MEGF11: variants seen among roughly 807,000 people sequenced by gnomAD.
MEGF11 encodes multiple epidermal growth factor-like domains protein 11.
MEGF11 carries 126 observed loss-of-function variants against 146.6 expected under a neutral mutation model. The observed-to-expected ratio is 0.86, with a 90% confidence interval of 0.74 to 1.00. MEGF11 has a LOEUF of 1.00. MEGF11 is among the 50% of genes least tolerant of loss of function. MEGF11 has a pLI of 0.00. For synonymous variants in MEGF11, 532 were observed against 583.4 expected (o/e 0.91, Z 1.27); for missense variants, 1,509 against 1,521.2 (o/e 0.99, Z 0.13).
At chr15:66,111,401 C>T (rs1471455038) in intron 4 of MEGF11, among the ~76,000 whole-genome samples, 1 of 152,174 alleles carries the variant, frequency 6.6e-6, no homozygotes, top group East Asian at 1.9e-4. Flanking sequence ...CAAAAGTGCT[C>T]CCAAAATACA....
intron 5 of MEGF11, among the ~76,000 whole-genome samples, chr15:65,999,234 T>C (rs1481840984): frequency 1.9e-4 from 29 of 151,842 alleles, no homozygotes; most frequent in Non-Finnish European, 1.5e-4. Context: ...CTCCCTACGT[T>C]GCCCAGGCTG....
At chr15:66,038,619 GA>G (rs1305174677) in intron 5 of MEGF11, among the ~76,000 whole-genome samples, 1 of 152,132 alleles carries the variant, frequency 6.6e-6, no homozygotes, top group Non-Finnish European at 1.5e-5. Context: ...TTTTACAGAT[GA>G]AAAAACTGAG....
chr15:66,051,800 C>G (rs1485408602), intron 5 of MEGF11, among the ~76,000 whole-genome samples: 1 of 152,214 alleles, frequency 6.6e-6, no homozygotes, highest in East Asian at 1.9e-4. Context: ...TTCGGCATCT[C>G]TGGCACCTGT....
intron 5 of MEGF11, among the ~76,000 whole-genome samples, chr15:66,084,138 A>G (rs1398791166): frequency 1.3e-5 from 2 of 152,170 alleles, no homozygotes; most frequent in Non-Finnish European, 2.9e-5. Context: ...CCTAGGCTAC[A>G]CCATCTAGGT....
intron 1 of MEGF11, among the ~76,000 whole-genome samples, chr15:66,237,327 C>T (rs2092117197): frequency 6.6e-6 from 1 of 151,808 alleles, no homozygotes; most frequent in African/African-American, 2.4e-5. Context: ...CAACTCACTC[C>T]CCCCAACAAA....
chr15:66,055,892 G>A (rs1325907352), intron 5 of MEGF11, among the ~76,000 whole-genome samples: 1 of 152,156 alleles, frequency 6.6e-6, no homozygotes, highest in Non-Finnish European at 1.5e-5. Flanking sequence ...AAGAAGCCCC[G>A]AATTCCAGAG....
intron 4 of MEGF11, among the ~76,000 whole-genome samples, chr15:66,109,604 C>T (rs944917204): frequency 3.3e-5 from 5 of 152,156 alleles, no homozygotes; most frequent in African/African-American, 7.2e-5. Context: ...ACAACGTGCT[C>T]GGGGGCACAC....
chr15:66,156,989 C>T (rs1332952462), intron 1 of MEGF11, among the ~76,000 whole-genome samples: 1 of 152,192 alleles, frequency 6.6e-6, no homozygotes, highest in Non-Finnish European at 1.5e-5. Flanking sequence ...GCTCTCTCTT[C>T]TTCACTGACC....
chr15:66,193,108 T>A (rs967879059), intron 1 of MEGF11, among the ~76,000 whole-genome samples: 1 of 152,264 alleles, frequency 6.6e-6, no homozygotes, highest in African/African-American at 2.4e-5. Flanking sequence ...ACTGTCAGTA[T>A]ACAAAGGCAG....
At position 66,086,119 on chromosome 15, in the gene MEGF11, A is replaced by G. The variant is rs1188746472; in HGVS notation, c.394+8283T>C. On this transcript the variant is annotated intron_variant, in intron 5 of 25. Coordinates refer to ENST00000395614, the MANE Select transcript of MEGF11 (RefSeq NM_001385028.1). ...ACCCAATCCAACAAAGACAAAGAAA[A>G]AAAAAGAAAATATGAACAAAGCCTC... 3.3e-5 allele frequency among the ~76,000 whole-genome samples: 5 copies of G among 152,184 alleles called. 1 individual carries two copies. In the East Asian group the frequency reaches 9.6e-4, roughly 29 times the overall value.
intron 15 of MEGF11, among the ~76,000 whole-genome samples, chr15:65,920,797 C>G (rs2079149546): frequency 6.6e-6 from 1 of 152,172 alleles, no homozygotes; most frequent in Non-Finnish European, 1.5e-5. Flanking sequence ...AAGACTTAAC[C>G]AGGGCAGTTG....
At chr15:66,057,838 T>C (rs1255446147) in intron 5 of MEGF11, among the ~76,000 whole-genome samples, 1 of 152,238 alleles carries the variant, frequency 6.6e-6, no homozygotes, top group African/African-American at 2.4e-5. Context: ...GTAGAATTAA[T>C]ACCTGAACGA....
intron 10 of MEGF11, among the ~76,000 whole-genome samples, chr15:65,946,241 C>G (rs1295169601): frequency 6.6e-6 from 1 of 152,168 alleles, no homozygotes; most frequent in African/African-American, 2.4e-5. Flanking sequence ...CACAACCGTC[C>G]TACAAGAAAC....
At chr15:66,222,536 G>A (rs887101391) in intron 1 of MEGF11, among the ~76,000 whole-genome samples, 4 of 152,104 alleles carry the variant, frequency 2.6e-5, no homozygotes, top group Non-Finnish European at 5.9e-5. Flanking sequence ...TTCGTCTCCC[G>A]CACAATTAAG....
chr15:66,172,284 C>A (rs564812387), intron 1 of MEGF11, among the ~76,000 whole-genome samples: 5 of 152,346 alleles, frequency 3.3e-5, no homozygotes, highest in African/African-American at 1.2e-4. Context: ...CTCACCCTGC[C>A]TCCCTCCAGG....
chr15:66,060,752 C>T (rs1031579689), intron 5 of MEGF11, among the ~76,000 whole-genome samples: 1 of 152,238 alleles, frequency 6.6e-6, no homozygotes, highest in African/African-American at 2.4e-5. Context: ...GTCCTCGCAG[C>T]ACCTACAGCA....
At chr15:66,204,625 T>A (rs1295366068) in intron 1 of MEGF11, among the ~76,000 whole-genome samples, 1 of 152,130 alleles carries the variant, frequency 6.6e-6, no homozygotes, top group Non-Finnish European at 1.5e-5. Flanking sequence ...GAGGGAATAA[T>A]GAAACCATCC....
intron 1 of MEGF11, among the ~76,000 whole-genome samples, chr15:66,219,930 C>G (rs895000063): frequency 6.6e-6 from 1 of 152,072 alleles, no homozygotes; most frequent in African/African-American, 2.4e-5. Flanking sequence ...TAGTGTTCCC[C>G]AAAAATTCAT....
intron 8 of MEGF11, among the ~76,000 whole-genome samples, chr15:65,966,153 G>A (rs943383689): frequency 2.0e-5 from 3 of 152,028 alleles, no homozygotes; most frequent in Non-Finnish European, 4.4e-5. Flanking sequence ...GCACTGCCAC[G>A]CCCAACTAAT....
Sources: allele counts gnomAD v4.1 joint callset (sites outside exome capture counted in the v4.1 genomes callset), GRCh38; gene constraint gnomAD v4.1.1; transcripts MANE v1.5; gene names NCBI Gene and HGNC (gene_info 2026-07-23, HGNC 2026-07-21).